The following SH3GL3 variants were observed in gnomAD, a reference collection of about 807,000 sequenced individuals.
SH3GL3 encodes endophilin-A3.
SH3GL3 carries 33 observed loss-of-function variants against 47.7 expected under a neutral mutation model. The observed-to-expected ratio is 0.69, with a 90% CI of 0.52 to 0.92. The LOEUF (loss-of-function observed/expected upper bound fraction) is 0.92, where lower values mean the gene tolerates loss of function less well. Among genes scored for constraint, SH3GL3 ranks in the 40% least tolerant of loss-of-function variants. The pLI is 0.00. For missense variants in SH3GL3, 363 were observed against 417.8 expected, an observed-to-expected ratio of 0.87 and a Z score of 1.14; for synonymous variants, 155 against 148.8, an observed-to-expected ratio of 1.04 and a Z score of -0.30.
At chr15:83,515,532 G>A (rs2042944963) in intron 1 of SH3GL3, among the ~76,000 whole-genome samples, 2 of 152,072 alleles carry the variant, frequency 1.3e-5, no homozygotes, top group Admixed American at 1.3e-4. Context: ...AGGTGGGGGG[G>A]GAGGGGAAGG....
At chr15:83,449,886 T>C (rs1029520458) in intron 1 of SH3GL3, among the ~76,000 whole-genome samples, 2 of 152,196 alleles carry the variant, frequency 1.3e-5, no homozygotes, top group Middle Eastern at 3.2e-3. Flanking sequence ...AATGCAACAA[T>C]TTGGTGGAGA....
At chr15:83,466,763 A>T (rs902797129) in intron 1 of SH3GL3, among the ~76,000 whole-genome samples, 1 of 152,152 alleles carries the variant, frequency 6.6e-6, no homozygotes, top group African/African-American at 2.4e-5. Flanking sequence ...GTGGAGGGAT[A>T]TGTCATTGTG....
intron 1 of SH3GL3, among the ~76,000 whole-genome samples, chr15:83,489,838 G>A (rs1158260892): frequency 1.3e-4 from 3 of 23,952 alleles, no homozygotes; most frequent in Non-Finnish European, 2.4e-4. Flanking sequence ...GTCAGAAGCC[G>A]ATAGATAGAT....
chr15:83,493,717 C>T (rs1223924509), intron 1 of SH3GL3, among the ~76,000 whole-genome samples: 1 of 149,886 alleles, frequency 6.7e-6, no homozygotes, highest in Non-Finnish European at 1.5e-5. Flanking sequence ...TGTAACCCGC[C>T]ATGCAATCAT....
At chr15:83,451,656 TG>T (rs1221087929) in intron 1 of SH3GL3, among the ~76,000 whole-genome samples, 1 of 116,840 alleles carries the variant, frequency 8.6e-6, no homozygotes, top group African/African-American at 3.4e-5. Flanking sequence ...TGGGGTTCTT[TG>T]TTTTTTTCTT....
At chr15:83,504,011 T>TA (rs1208966824) in intron 1 of SH3GL3, among the ~76,000 whole-genome samples, 3 of 152,248 alleles carry the variant, frequency 2.0e-5, no homozygotes, top group African/African-American at 7.2e-5. Flanking sequence ...TATGAATCAC[T>TA]GTTTATTTCC....
chr15:83,528,643 T>G (rs2043528852), intron 1 of SH3GL3, among the ~76,000 whole-genome samples: 1 of 152,160 alleles, frequency 6.6e-6, no homozygotes, highest in Non-Finnish European at 1.5e-5. Context: ...GTTCCAGGAT[T>G]TCTGTTTTGT....
the SH3GL3 span, among the ~76,000 whole-genome samples, chr15:83,624,698 T>A: frequency 1.3e-5 from 2 of 152,176 alleles, no homozygotes; most frequent in Admixed American, 1.3e-4. Flanking sequence ...ATAAAATATC[T>A]GGGATGTTAA....
chr15:83,617,956 C>G, intron 8 of SH3GL3, 126 bp from the exon 9 acceptor site: 1 of 672,012 alleles, frequency 1.5e-6, no homozygotes, highest in East Asian at 2.7e-5. Context: ...CTGGGTGGAG[C>G]TGGCCTTGTG....
chr15:83,574,036 G>A (rs62029460), intron 5 of SH3GL3, among the ~76,000 whole-genome samples: 18,536 of 152,212 alleles, frequency 0.12, 1,236 homozygotes, highest in Middle Eastern at 0.19. Context: ...TGGGAGACTG[G>A]GGTGGGCAAA....
chr15:83,542,071 A>G (rs1009711570), intron 1 of SH3GL3, among the ~76,000 whole-genome samples: 1 of 152,118 alleles, frequency 6.6e-6, no homozygotes, highest in Non-Finnish European at 1.5e-5. Flanking sequence ...AGTTCTCCCA[A>G]TGTTTTCTTA....
intron 1 of SH3GL3, among the ~76,000 whole-genome samples, chr15:83,551,270 T>C (rs1299846649): frequency 6.6e-6 from 1 of 152,198 alleles, no homozygotes; most frequent in Non-Finnish European, 1.5e-5. Context: ...CAACCTGAGA[T>C]AGGTCTAATT....
chr15:83,606,595 T>TC (rs1423533832), intron 8 of SH3GL3, among the ~76,000 whole-genome samples: 1 of 152,190 alleles, frequency 6.6e-6, no homozygotes, highest in Non-Finnish European at 1.5e-5. Flanking sequence ...CTAATAGCCT[T>TC]CCCCCCAGAT....
At chr15:83,504,176 A>G (rs1312999189) in intron 1 of SH3GL3, among the ~76,000 whole-genome samples, 1 of 152,238 alleles carries the variant, frequency 6.6e-6, no homozygotes, top group African/African-American at 2.4e-5. Flanking sequence ...ATACCTTGGA[A>G]CAGTGCATAG....
At chr15:83,626,324 C>T in the SH3GL3 span, among the ~76,000 whole-genome samples, 431 of 152,296 alleles carry the variant, frequency 2.8e-3, 4 homozygotes, top group African/African-American at 9.9e-3. Flanking sequence ...GCCAGCCAGT[C>T]ACTTCCTCTC....
intron 8 of SH3GL3, among the ~76,000 whole-genome samples, chr15:83,590,717 C>T (rs954614420): frequency 1.3e-5 from 2 of 152,128 alleles, no homozygotes; most frequent in Admixed American, 6.5e-5. Context: ...TGTGTATCCT[C>T]TTTGGTGAAA....
chr15:83,623,375 T>C (rs1333773316), downstream of SH3GL3, among the ~76,000 whole-genome samples: 1 of 152,204 alleles, frequency 6.6e-6, no homozygotes, highest in African/African-American at 2.4e-5. Context: ...TGGGGGATAG[T>C]TGGCTGTTGG....
At position 83,516,524 on chromosome 15, in the gene SH3GL3, G is replaced by A. The variant is rs112495288; in HGVS notation, c.46-42729G>A. ...CAGGCTGTACAGGAAGCATGGTGCT[G>A]GCATTTGCTTGGGTTCTAGGGAGGC... On this transcript the variant is annotated intron_variant, in intron 1 of 8. Transcript: ENST00000427482. Among the ~76,000 whole-genome samples, 73 of 152,256 alleles carry A rather than the reference G, an allele frequency of 4.8e-4. 1 individual carries two copies. The highest frequency in any genetic ancestry group is 1.6e-3 in the African/African-American group (65 of 41,544).
chr15:83,632,999 A>G, the SH3GL3 span, among the ~76,000 whole-genome samples: 1 of 152,218 alleles, frequency 6.6e-6, no homozygotes, highest in Non-Finnish European at 1.5e-5. Context: ...ATCATAAGTT[A>G]ACCCTCACAC....
Sources: allele counts gnomAD v4.1 joint callset (sites outside exome capture counted in the v4.1 genomes callset), GRCh38; gene constraint gnomAD v4.1.1; transcripts MANE v1.5; gene names NCBI Gene and HGNC (gene_info 2026-07-23, HGNC 2026-07-21).